The following PDE1C variants were observed in gnomAD, a reference collection of about 807,000 sequenced individuals.
The protein encoded by PDE1C is phosphodiesterase 1C.
In PDE1C, 62 loss-of-function variants were observed where a neutral mutation model predicts 93.1. The observed-to-expected ratio is 0.67, with a 90% CI of 0.54 to 0.82. The LOEUF (loss-of-function observed/expected upper bound fraction) is 0.82. Among genes scored for constraint, PDE1C ranks in the 40% least tolerant of loss-of-function variants. The pLI is 0.00. For missense variants in PDE1C, 742 were observed against 884.6 expected (o/e 0.84, Z 2.04); for synonymous variants, 325 against 310.1 (o/e 1.05, Z -0.50).
At chr7:32,328,637 C>G (rs1013504155) in intron 1 of PDE1C, among the ~76,000 whole-genome samples, 1 of 152,046 alleles carries the variant, frequency 6.6e-6, no homozygotes, top group Non-Finnish European at 1.5e-5. Flanking sequence ...CCATCCTCCA[C>G]CCCCCATCCC....
At chr7:31,821,801 AT>A (rs1789001204) in intron 14 of PDE1C, among the ~76,000 whole-genome samples, 1 of 152,128 alleles carries the variant, frequency 6.6e-6, no homozygotes, top group Non-Finnish European at 1.5e-5. Context: ...AAGCCTTTGA[AT>A]AACTCCAACA....
At chr7:32,062,136 C>T (rs773237550) in intron 1 of PDE1C, among the ~76,000 whole-genome samples, 12 of 152,144 alleles carry the variant, frequency 7.9e-5, no homozygotes, top group African/African-American at 9.7e-5. Context: ...TTCCCACTCA[C>T]GACAAGACCT....
At chr7:31,808,149 C>T in intron 16 of PDE1C, 4 of 455,092 alleles carry the variant, frequency 8.8e-6, no homozygotes, top group Non-Finnish European at 1.7e-5. Context: ...TCTTACTCTT[C>T]CACCTGGTTA....
chr7:32,358,142 C>T (rs1784066915), intron 1 of PDE1C, among the ~76,000 whole-genome samples: 1 of 152,168 alleles, frequency 6.6e-6, no homozygotes, highest in African/African-American at 2.4e-5. Context: ...CCTCCCCTTC[C>T]CACGCAGTGT....
At chr7:32,053,019 T>A (rs77066952) in intron 1 of PDE1C, among the ~76,000 whole-genome samples, 2,083 of 152,308 alleles carry the variant, frequency 0.014, 21 homozygotes, top group Non-Finnish European at 0.023. Flanking sequence ...TAGAGATATT[T>A]CCATGTTTAT....
At chr7:32,004,972 T>C (rs1785996385) in intron 2 of PDE1C, among the ~76,000 whole-genome samples, 1 of 152,178 alleles carries the variant, frequency 6.6e-6, no homozygotes, top group Non-Finnish European at 1.5e-5. Context: ...TGATACATAT[T>C]ATGTGTTCAT....
At chr7:31,621,444 C>T in the PDE1C span, among the ~76,000 whole-genome samples, 2 of 103,790 alleles carry the variant, frequency 1.9e-5, 1 homozygote, top group South Asian at 8.6e-4. Flanking sequence ...AGAGTGGGGG[C>T]CAATATTCAA....
chr7:32,108,487 T>C (rs1169084243), intron 3 of PDE1C, among the ~76,000 whole-genome samples: 1 of 148,692 alleles, frequency 6.7e-6, no homozygotes, highest in Non-Finnish European at 1.5e-5. Context: ...ATAAGAAAAT[T>C]AGAAAATCCA....
chr7:32,391,424 T>C (rs960389484), intron 1 of PDE1C, among the ~76,000 whole-genome samples: 1 of 152,136 alleles, frequency 6.6e-6, no homozygotes, highest in African/African-American at 2.4e-5. Context: ...ACATCCACTC[T>C]GAATAATGAA....
intron 1 of PDE1C, among the ~76,000 whole-genome samples, chr7:32,238,724 G>A (rs1808324998): frequency 6.6e-6 from 1 of 152,120 alleles, no homozygotes; most frequent in South Asian, 2.1e-4. Context: ...ATGAAATAGA[G>A]TTCTAAAATG....
At chr7:32,144,001 T>C (rs1235987426) in intron 3 of PDE1C, among the ~76,000 whole-genome samples, 1 of 152,088 alleles carries the variant, frequency 6.6e-6, no homozygotes, top group Non-Finnish European at 1.5e-5. Flanking sequence ...ATAAATAGAA[T>C]GCTGCTGAAT....
At chr7:31,714,417 T>C in the PDE1C span, among the ~76,000 whole-genome samples, 1 of 152,190 alleles carries the variant, frequency 6.6e-6, no homozygotes, top group Non-Finnish European at 1.5e-5. Flanking sequence ...AGTTCCAAAC[T>C]TTCCCACATT....
chr7:31,783,197 C>T (rs1439212394), intron 16 of PDE1C, among the ~76,000 whole-genome samples: 7 of 152,170 alleles, frequency 4.6e-5, no homozygotes, highest in Non-Finnish European at 2.9e-5. Context: ...TCATTGTACC[C>T]TGAAGAAAAT....
At chr7:32,314,074 A>T (rs1047192360) in intron 1 of PDE1C, among the ~76,000 whole-genome samples, 15 of 151,844 alleles carry the variant, frequency 9.9e-5, no homozygotes, top group Non-Finnish European at 1.5e-4. Context: ...ATAAATAAAT[A>T]AAATAAATAA....
intron 17 of PDE1C, among the ~76,000 whole-genome samples, chr7:31,761,930 T>A (rs963045974): frequency 6.6e-6 from 1 of 152,160 alleles, no homozygotes. Context: ...ATAATAACAC[T>A]CACTTCACAG....
intron 1 of PDE1C, among the ~76,000 whole-genome samples, chr7:32,260,854 C>T (rs957223734): frequency 3.9e-5 from 6 of 152,256 alleles, no homozygotes; most frequent in African/African-American, 1.4e-4. Context: ...GGCACAGTGG[C>T]TCATGCCTGT....
intron 1 of PDE1C, among the ~76,000 whole-genome samples, chr7:32,251,813 C>T (rs1228046346): frequency 1.3e-5 from 2 of 152,232 alleles, no homozygotes; most frequent in African/African-American, 4.8e-5. Context: ...AAAGCTAAGT[C>T]CAAACTCCTT....
At chr7:32,424,717 T>C (rs746121166) in intron 1 of PDE1C, among the ~76,000 whole-genome samples, 13 of 151,956 alleles carry the variant, frequency 8.6e-5, no homozygotes, top group Non-Finnish European at 1.6e-4. Context: ...GAGGCTGAAA[T>C]AGGAGGATCG....
At chr7:32,140,958 CTGTGGAATAA>C (rs1324962456) in intron 3 of PDE1C, among the ~76,000 whole-genome samples, 3 of 152,232 alleles carry the variant, frequency 2.0e-5, no homozygotes, top group Non-Finnish European at 4.4e-5. Context: ...TCTCTCTTAC[CTGTGGAATAA>C]AAATTTCTAA....
Sources: gnomAD v4.1 joint callset for allele counts (sites outside exome capture counted in the v4.1 genomes callset) on GRCh38, gnomAD v4.1.1 for gene constraint, MANE v1.5 for transcripts, NCBI Gene and HGNC (gene_info 2026-07-23, HGNC 2026-07-21) for gene names.